The following SPOCK3 variants were observed in gnomAD, a reference collection of about 807,000 sequenced individuals.
The protein encoded by SPOCK3 is SPARC (osteonectin), cwcv and kazal like domains proteoglycan 3.
SPOCK3 carries 30 observed loss-of-function variants against 56.6 expected under a neutral mutation model. The observed-to-expected ratio is 0.53, with a 90% CI of 0.40 to 0.72. The LOEUF (loss-of-function observed/expected upper bound fraction) is 0.72. Ranked by LOEUF, SPOCK3 falls within the 30% of genes least tolerant of loss-of-function variation. The pLI is 0.00. For synonymous variants in SPOCK3, 196 were observed against 183.3 expected, an observed-to-expected ratio of 1.07 and a Z score of -0.56; for missense variants, 527 against 530.0, an observed-to-expected ratio of 0.99 and a Z score of 0.06.
chr4:167,157,424 T>C (rs1321855410), intron 2 of SPOCK3, among the ~76,000 whole-genome samples: 1 of 151,994 alleles, frequency 6.6e-6, no homozygotes, highest in East Asian at 1.9e-4. Flanking sequence ...ATAAAACTAT[T>C]AGAAATTTTC....
chr4:166,823,248 C>A (rs1745113333), intron 6 of SPOCK3, among the ~76,000 whole-genome samples: 1 of 151,978 alleles, frequency 6.6e-6, no homozygotes, highest in Non-Finnish European at 1.5e-5. Context: ...CAACTGAAAA[C>A]AGCTTTCCCT....
At chr4:166,940,251 A>G (rs984712293) in intron 4 of SPOCK3, among the ~76,000 whole-genome samples, 8 of 152,162 alleles carry the variant, frequency 5.3e-5, no homozygotes, top group African/African-American at 1.9e-4. Context: ...TCTAGAAATT[A>G]CCTTTTGAGT....
chr4:167,057,215 A>C (rs763101274), intron 3 of SPOCK3, among the ~76,000 whole-genome samples: 3,186 of 152,230 alleles, frequency 0.021, 51 homozygotes, highest in Middle Eastern at 0.041. Context: ...GAAATAAAAT[A>C]CTTTACAGAC....
At chr4:167,158,922 C>A (rs1490165326) in intron 2 of SPOCK3, among the ~76,000 whole-genome samples, 1 of 151,896 alleles carries the variant, frequency 6.6e-6, no homozygotes, top group Non-Finnish European at 1.5e-5. Flanking sequence ...CCTACTCATG[C>A]AAACTAGAAG....
At chr4:166,889,352 T>C in intron 5 of SPOCK3, 108 bp from the exon 6 acceptor site, 1 of 674,068 alleles carries the variant, frequency 1.5e-6, no homozygotes, top group Non-Finnish European at 2.6e-6. Flanking sequence ...AATTTGGAGA[T>C]TTTTCCACCA....
intron 6 of SPOCK3, among the ~76,000 whole-genome samples, chr4:166,793,778 C>T (rs546344177): frequency 1.3e-5 from 2 of 152,186 alleles, no homozygotes; most frequent in South Asian, 4.1e-4. Context: ...CACTGAAAGG[C>T]AGCATAGCAA....
chr4:167,222,573 G>A (rs532138215), intron 2 of SPOCK3, among the ~76,000 whole-genome samples: 1 of 132,358 alleles, frequency 7.6e-6, no homozygotes, highest in Non-Finnish European at 1.6e-5. Context: ...ACATGTTATA[G>A]ATTCATATAT....
At chr4:167,114,020 A>C (rs916334029) in intron 2 of SPOCK3, among the ~76,000 whole-genome samples, 1 of 152,118 alleles carries the variant, frequency 6.6e-6, no homozygotes, top group Non-Finnish European at 1.5e-5. Context: ...CACCAGCGCA[A>C]AGTGAGAGAA....
At chr4:167,226,797 A>G (rs182503019) in intron 2 of SPOCK3, among the ~76,000 whole-genome samples, 9 of 152,162 alleles carry the variant, frequency 5.9e-5, no homozygotes, top group Admixed American at 4.6e-4. Flanking sequence ...AGCTTGCTTG[A>G]GGGAGTAACC....
intron 6 of SPOCK3, among the ~76,000 whole-genome samples, chr4:166,799,324 C>G (rs1042489141): frequency 3.9e-5 from 6 of 152,142 alleles, no homozygotes; most frequent in Admixed American, 3.3e-4. Context: ...TGACTTTCAT[C>G]CCAATATCAA....
At chr4:167,013,914 G>GGTAGTTAT (rs1265803695) in intron 3 of SPOCK3, among the ~76,000 whole-genome samples, 4 of 152,090 alleles carry the variant, frequency 2.6e-5, no homozygotes, top group Non-Finnish European at 5.9e-5. Flanking sequence ...AACTAGCCTG[G>GGTAGTTAT]GAGGTAGTGC....
chr4:167,088,949 TCTTCATCATAGATGTGGTTA>T (rs1326458158), intron 2 of SPOCK3, among the ~76,000 whole-genome samples: 6 of 152,290 alleles, frequency 3.9e-5, no homozygotes, highest in African/African-American at 1.4e-4. Context: ...AATCAATCAT[TCTTCATCATAGATGTGGTTA>T]TTGCATATGT....
intron 6 of SPOCK3, 88 bp from the exon 7 acceptor site, chr4:166,792,377 G>A (rs1741453524): frequency 1.4e-6 from 2 of 1,415,442 alleles, no homozygotes; most frequent in East Asian, 4.7e-5. Context: ...AAACTGAAAG[G>A]TAAGAACGAC....
chr4:167,010,820 T>G (rs553111787), intron 3 of SPOCK3, among the ~76,000 whole-genome samples: 1 of 151,668 alleles, frequency 6.6e-6, no homozygotes, highest in Admixed American at 6.6e-5. Flanking sequence ...TAATTTCCAG[T>G]GGGGGGGAGA....
At chr4:166,789,773 G>T (rs932149389) in intron 7 of SPOCK3, among the ~76,000 whole-genome samples, 1 of 152,086 alleles carries the variant, frequency 6.6e-6, no homozygotes, top group Non-Finnish European at 1.5e-5. Flanking sequence ...TAAAATGAAT[G>T]GTAATATTTT....
intron 7 of SPOCK3, among the ~76,000 whole-genome samples, chr4:166,769,649 G>A (rs978029064): frequency 6.6e-6 from 1 of 152,184 alleles, no homozygotes; most frequent in Non-Finnish European, 1.5e-5. Flanking sequence ...ACCCACTTGA[G>A]GAGGCAGTCT....
At position 167,178,381 on chromosome 4, in the gene SPOCK3, T is replaced by C. The variant is rs147935335; in HGVS notation, c.189+55604A>G. ...CACTTAGGCAGACTCTTACTATACA[T>C]TGAGCATTACCCCAAGATGAAAAAG... On this transcript the variant is annotated intron_variant, in intron 2 of 10. Coordinates refer to ENST00000357545, the MANE Select transcript of SPOCK3 (RefSeq NM_001040159.2). Among the ~76,000 whole-genome samples, 755 of 152,244 alleles carry C rather than the reference T, an allele frequency of 5.0e-3. 9 individuals carry two copies. Among genetic ancestry groups the C allele is most frequent in the African/African-American group, 0.017 (700 of 41,544 alleles).
chr4:166,740,502 A>C (rs953456814), intron 9 of SPOCK3, among the ~76,000 whole-genome samples: 1 of 79,906 alleles, frequency 1.3e-5, no homozygotes, highest in Admixed American at 1.3e-4. Context: ...ACTTATTATT[A>C]TTATTATTAT....
chr4:166,879,805 C>T (rs1579517576), intron 6 of SPOCK3, among the ~76,000 whole-genome samples: 1 of 152,030 alleles, frequency 6.6e-6, no homozygotes, highest in South Asian at 2.1e-4. Context: ...TGAGATCTGG[C>T]GGGAGGTGAT....
Sources: allele counts gnomAD v4.1 joint callset (sites outside exome capture counted in the v4.1 genomes callset), GRCh38; gene constraint gnomAD v4.1.1; transcripts MANE v1.5; gene names NCBI Gene and HGNC (gene_info 2026-07-23, HGNC 2026-07-21).